LRRC9: variants seen among roughly 807,000 people sequenced by gnomAD.
LRRC9 encodes leucine-rich repeat-containing protein 9.
A neutral mutation model predicts 63.2 loss-of-function variants in LRRC9; 122 were observed. The observed-to-expected ratio is 1.93, with a 90% CI of 1.67 to 2.24. LRRC9 has a LOEUF of 2.24. Ranked by LOEUF, LRRC9 falls within the 30% of genes most tolerant of loss-of-function variation. LRRC9 has a pLI of 0.00. For synonymous variants in LRRC9, 366 were observed against 213.1 expected, an observed-to-expected ratio of 1.72 and a Z score of -6.25; for missense variants, 1,071 against 627.7, an observed-to-expected ratio of 1.71 and a Z score of -7.55.
intron 18 of LRRC9, among the ~76,000 whole-genome samples, chr14:59,998,548 A>C (rs1186240517): frequency 6.6e-6 from 1 of 152,088 alleles, no homozygotes; most frequent in Admixed American, 6.5e-5. Context: ...CTGCCTTTAA[A>C]AGATGTATAT....
intron 30 of LRRC9, chr14:60,054,112 A>G: frequency 3.3e-6 from 1 of 307,516 alleles, no homozygotes; most frequent in South Asian, 2.9e-5. Context: ...TAGGACTACC[A>G]TACATACTCT....
chr14:60,015,969 T>C (rs561610697), intron 23 of LRRC9, among the ~76,000 whole-genome samples: 329 of 152,304 alleles, frequency 2.2e-3, no homozygotes, highest in Non-Finnish European at 3.4e-3. Context: ...TAAAGTTTTC[T>C]GCTGTGCTAG....
At chr14:60,034,084 A>G (rs219411) in intron 29 of LRRC9, among the ~76,000 whole-genome samples, 123,366 of 144,894 alleles carry the variant, frequency 0.85, 52,900 homozygotes, top group Non-Finnish European at 0.9. Context: ...GCAGTGGCAC[A>G]ATCTCAGCTC....
At chr14:59,952,913 G>T (rs960783906) in intron 8 of LRRC9, among the ~76,000 whole-genome samples, 2 of 152,120 alleles carry the variant, frequency 1.3e-5, no homozygotes, top group African/African-American at 4.8e-5. Flanking sequence ...GTGGTGTTTG[G>T]TTTTCTGTTC....
At chr14:60,044,284 A>T (rs910147784) in intron 29 of LRRC9, among the ~76,000 whole-genome samples, 2 of 151,722 alleles carry the variant, frequency 1.3e-5, no homozygotes, top group Non-Finnish European at 2.9e-5. Context: ...TTTTAGTCTG[A>T]ATTTCATTTA....
chr14:60,008,312 T>C (rs1029984430), intron 23 of LRRC9, 98 bp downstream of exon 23: 3 of 539,330 alleles, frequency 5.6e-6, no homozygotes, highest in Non-Finnish European at 9.8e-6. Context: ...ACTAGCATTA[T>C]AGCCAAATTT....
intron 8 of LRRC9, among the ~76,000 whole-genome samples, chr14:59,946,039 T>A (rs901224700): frequency 4.0e-5 from 6 of 151,750 alleles, no homozygotes; most frequent in East Asian, 1.9e-4. Flanking sequence ...CCAGTAAATC[T>A]ACTTCTAGCA....
At position 60,016,165 on chromosome 14, in the gene LRRC9, C is replaced by T. The variant is rs578054676; in HGVS notation, c.3187-495C>T. ...GTACCTACCTGGTCTGCCTTCTTCT[C>T]CACATCTTTCAGTATTCTTATGTTT... is the stretch of plus-strand genomic sequence containing the variant. On this transcript the variant is annotated intron_variant, in intron 23 of 31. Coordinates refer to ENST00000445360, the Ensembl canonical transcript of LRRC9. Among the ~76,000 whole-genome samples the T allele has an allele frequency of 2.0e-5, 3 of 152,140 alleles. No homozygotes were observed. In the South Asian group the frequency reaches 6.2e-4, roughly 32 times the overall value.
rs1010118483 is a variant in LRRC9, at chr14:59,932,891, C to T, written c.543+852C>T. 3.9e-5 allele frequency among the ~76,000 whole-genome samples: 6 copies of T among 152,076 alleles called. No homozygotes were observed. Among genetic ancestry groups the T allele is most frequent in the East Asian group, 1.9e-4 (1 of 5,198 alleles). On this transcript the variant is annotated intron_variant, in intron 6 of 31. Coordinates refer to ENST00000445360, the Ensembl canonical transcript of LRRC9. This position sits in a 1 kb window ranked among gnomAD's most constrained non-coding sequence, Gnocchi z 4.7. ...AATCACCCTTCTGCTTAAAACCCTC[C>T]GTCGCCTTCTCATCTATTTCAGAGT...
chr14:59,957,211 T>A (rs957688807), intron 8 of LRRC9, among the ~76,000 whole-genome samples: 1 of 152,198 alleles, frequency 6.6e-6, no homozygotes, highest in Non-Finnish European at 1.5e-5. Flanking sequence ...GATAATATCC[T>A]GAAGTGTGTT....
intron 1 of LRRC9, among the ~76,000 whole-genome samples, chr14:59,925,288 C>A (rs567192259): frequency 6.6e-6 from 1 of 152,270 alleles, no homozygotes; most frequent in South Asian, 2.1e-4. Flanking sequence ...AAATGTATTT[C>A]TCACAGGTCT....
Position 59,962,119 on chromosome 14 carries a change from G to C in LRRC9, c.1211+1074G>C, listed in dbSNP as rs866675560. On this transcript the variant is annotated intron_variant, in intron 10 of 31. Coordinates refer to ENST00000445360, the Ensembl canonical transcript of LRRC9. The surrounding 1 kb of genome is among the most constrained non-coding windows in gnomAD (Gnocchi z 5.1). ...GACATGGCTTTTTTCTCACCTCTGT[G>C]AGTAAAAGCTTCTCAAAGGTCTTGG... is the stretch of plus-strand genomic sequence containing the variant. Among the ~76,000 whole-genome samples the C allele has an allele frequency of 6.6e-5, 10 of 152,228 alleles. No homozygotes were observed. Among genetic ancestry groups the C allele is most frequent in the Non-Finnish European group, 1.3e-4 (9 of 67,996 alleles).
intron 7 of LRRC9, among the ~76,000 whole-genome samples, chr14:59,941,909 T>C (rs1218418704): frequency 6.6e-6 from 1 of 152,116 alleles, no homozygotes; most frequent in East Asian, 1.9e-4. Flanking sequence ...ATTCTTCCTA[T>C]CTAGCTGTAA....
rs1455619875 is a variant in LRRC9 at position 60,058,643 on chromosome 14, TATC to T, written c.4276+624_4276+626del. 6.6e-6 allele frequency among the ~76,000 whole-genome samples: 1 copy of T among 152,174 alleles called. No individual in the cohort carries two copies. Among genetic ancestry groups the T allele is most frequent in the African/African-American group, 2.4e-5 (1 of 41,430 alleles). On this transcript the variant is annotated intron_variant, in intron 31 of 31. Coordinates refer to ENST00000445360, the Ensembl canonical transcript of LRRC9. This position sits in a 1 kb window ranked among gnomAD's most constrained non-coding sequence, Gnocchi z 4.4. ...TCCCTAATTCCACATCTTTTCTGGT[TATC>T]ATTTTGGCAAAACTGGGGGTAAGTA...
rs1881348934 is a variant in LRRC9 at position 59,938,893 on chromosome 14, A to C, written c.726+321A>C. Among the ~76,000 whole-genome samples the C allele has an allele frequency of 8.3e-6, 1 of 120,282 alleles. No individual in the cohort carries two copies. The highest frequency in any genetic ancestry group is 2.9e-4 in the South Asian group (1 of 3,398). The allele number at this position is 120,282 out of a possible 152,430, so 78.9% of individuals were successfully genotyped here. ...CATATATATATACACACATATATACACATATATATACATATATACACATAT... is the reference window on the plus strand; with the variant it reads ...CATATATATATACACACATATATACCCATATATATACATATATACACATAT... On this transcript the variant is annotated intron_variant, in intron 7 of 31. Coordinates refer to ENST00000445360, the Ensembl canonical transcript of LRRC9. This position sits in a 1 kb window ranked among gnomAD's most constrained non-coding sequence, Gnocchi z 4.2.
At position 59,986,790 on chromosome 14, in the gene LRRC9, C is replaced by T. The variant is rs1354950356; in HGVS notation, c.2211+1566C>T. On this transcript the variant is annotated intron_variant, in intron 17 of 31. Coordinates refer to ENST00000445360, the Ensembl canonical transcript of LRRC9. This position sits in a 1 kb window ranked among gnomAD's most constrained non-coding sequence, Gnocchi z 4.7. ...CAAAAATTATTTTCATTATCATAGCCTCACAGTCTACTTGTTAAATGACTA... is the reference window on the plus strand; with the variant it reads ...CAAAAATTATTTTCATTATCATAGCTTCACAGTCTACTTGTTAAATGACTA... Among the ~76,000 whole-genome samples the T allele has an allele frequency of 6.6e-6, 1 of 152,074 alleles. No individual in the cohort carries two copies. The highest frequency in any genetic ancestry group is 2.4e-5 in the African/African-American group (1 of 41,402).
At chr14:60,062,115 T>A in intron 31 of LRRC9, 1 of 398,810 alleles carries the variant, frequency 2.5e-6, no homozygotes, top group Non-Finnish European at 4.4e-6. Flanking sequence ...TCCATCTCTT[T>A]TATCACATCA....
chr14:60,046,173 C>T (rs571648858), intron 29 of LRRC9, among the ~76,000 whole-genome samples: 8 of 152,180 alleles, frequency 5.3e-5, no homozygotes, highest in African/African-American at 1.9e-4. Flanking sequence ...GAATATTAGA[C>T]CTTGGTCAGA....
At chr14:60,028,200 A>G (rs1316811410) in intron 28 of LRRC9, 99 bp downstream of exon 28, 2 of 613,354 alleles carry the variant, frequency 3.3e-6, no homozygotes, top group African/African-American at 3.7e-5. Flanking sequence ...TGTTGCTAGT[A>G]TATTATTTAT....
Sources: gnomAD v4.1 joint callset for allele counts (sites outside exome capture counted in the v4.1 genomes callset) on GRCh38, gnomAD v4.1.1 for gene constraint, Gnocchi (gnomAD v3.1) non-coding constraint, MANE v1.5 for transcripts, NCBI Gene and HGNC (gene_info 2026-07-23, HGNC 2026-07-21) for gene names.